The following TBC1D22B variants were observed in gnomAD, a reference collection of about 807,000 sequenced individuals.
The protein encoded by TBC1D22B is TBC1 domain family member 22B, also known as chromosome 6 open reading frame 197.
A neutral mutation model predicts 69.1 loss-of-function variants in TBC1D22B; 32 were observed. That is an observed-to-expected ratio of 0.46 (90% CI 0.35 to 0.62). The LOEUF (loss-of-function observed/expected upper bound fraction) is 0.62, where lower values mean the gene tolerates loss of function less well. Among genes scored for constraint, TBC1D22B ranks in the 20% least tolerant of loss-of-function variants. TBC1D22B has a pLI of 0.00. For synonymous variants in TBC1D22B, 206 were observed against 229.8 expected, an observed-to-expected ratio of 0.90 and a Z score of 0.94; for missense variants, 462 against 630.9, an observed-to-expected ratio of 0.73 and a Z score of 2.87.
chr6:37,280,146 G>T (rs1483326424), intron 3 of TBC1D22B, among the ~76,000 whole-genome samples: 1 of 152,188 alleles, frequency 6.6e-6, no homozygotes, highest in South Asian at 2.1e-4. Flanking sequence ...CAGGTTGGGT[G>T]GGGTAGAAGT....
chr6:37,261,822 G>T (rs1159734445), intron 1 of TBC1D22B, among the ~76,000 whole-genome samples: 1 of 151,728 alleles, frequency 6.6e-6, no homozygotes, highest in Non-Finnish European at 1.5e-5. Context: ...ATCATTTGAG[G>T]TCAGGAGTTC....
chr6:37,267,831 T>C (rs1487589130), intron 1 of TBC1D22B, among the ~76,000 whole-genome samples: 1 of 152,198 alleles, frequency 6.6e-6, no homozygotes, highest in Non-Finnish European at 1.5e-5. Context: ...TAGGATTTAA[T>C]GTTAAACAGG....
intron 3 of TBC1D22B, among the ~76,000 whole-genome samples, chr6:37,279,940 A>T (rs1008478537): frequency 2.0e-5 from 3 of 152,236 alleles, no homozygotes; most frequent in African/African-American, 4.8e-5. Context: ...AGGCCTGGTC[A>T]GGTTTAGAAA....
chr6:37,322,734 C>A (rs1343167904), intron 12 of TBC1D22B, among the ~76,000 whole-genome samples: 7 of 152,170 alleles, frequency 4.6e-5, no homozygotes. Context: ...GACCTCGGGA[C>A]AGGAACTGGT....
At chr6:37,318,571 A>C (rs367847555) in intron 12 of TBC1D22B, among the ~76,000 whole-genome samples, 11 of 152,292 alleles carry the variant, frequency 7.2e-5, no homozygotes, top group African/African-American at 2.6e-4. Context: ...TCCCTAAGGA[A>C]GTAAGGATGG....
rs576822236 is a variant in TBC1D22B at position 37,268,303 on chromosome 6, C to T, written c.57-1291C>T. On this transcript the variant is annotated intron_variant, in intron 1 of 12. Coordinates refer to ENST00000373491, the MANE Select transcript of TBC1D22B (RefSeq NM_017772.4). ...AGGCTGGAGTGCAGTGGTGTGCTCA[C>T]TGCAGCCTGGACCCTCCTGGGGTCA... Among the ~76,000 whole-genome samples, 19 of 152,174 alleles carry T rather than the reference C, an allele frequency of 1.2e-4. No homozygotes were observed. The East Asian group carries it at 3.5e-3, about 28-fold the overall frequency.
intron 2 of TBC1D22B, among the ~76,000 whole-genome samples, chr6:37,270,819 T>C (rs1766462819): frequency 6.6e-6 from 1 of 152,196 alleles, no homozygotes; most frequent in South Asian, 2.1e-4. Context: ...TATTAGTAGC[T>C]GCCCTTTCTT....
Position 37,292,544 on chromosome 6 carries a change from T to C in TBC1D22B, c.982+1187T>C, listed in dbSNP as rs1232161467. Among the ~76,000 whole-genome samples, 4 of 152,216 alleles carry C rather than the reference T, an allele frequency of 2.6e-5. 1 individual carries two copies. In the South Asian group the frequency reaches 6.2e-4, roughly 24 times the overall value. On this transcript the variant is annotated intron_variant, in intron 8 of 12. Transcript: ENST00000373491. ...AATTCTGCTGTGTGTTGTATAATTT[T>C]ATCAAGAGAGCATTTCAGCTGATCT... is the stretch of plus-strand genomic sequence containing the variant.
chr6:37,277,133 C>T (rs1267271361), intron 2 of TBC1D22B, among the ~76,000 whole-genome samples: 1 of 152,090 alleles, frequency 6.6e-6, no homozygotes, highest in East Asian at 1.9e-4. Flanking sequence ...AGCTTCAAGT[C>T]AGCTCTTTGA....
chr6:37,284,864 T>C (rs1310436499), intron 6 of TBC1D22B, among the ~76,000 whole-genome samples: 1 of 152,126 alleles, frequency 6.6e-6, no homozygotes, highest in Non-Finnish European at 1.5e-5. Flanking sequence ...GTAAGCGTTA[T>C]CGAGCATGGA....
chr6:37,293,850 GC>G (rs1767270152), intron 8 of TBC1D22B, among the ~76,000 whole-genome samples: 1 of 152,190 alleles, frequency 6.6e-6, no homozygotes, highest in Admixed American at 6.5e-5. Context: ...TAGCCTTATT[GC>G]TGATATGGAT....
chr6:37,288,131 T>C (rs1488573685), intron 7 of TBC1D22B, among the ~76,000 whole-genome samples: 2 of 152,222 alleles, frequency 1.3e-5, no homozygotes, highest in African/African-American at 2.4e-5. Flanking sequence ...CTATTTGACT[T>C]TGGGTTATAT....
At chr6:37,327,269 G>C (rs1768440127) in intron 12 of TBC1D22B, among the ~76,000 whole-genome samples, 1 of 98,016 alleles carries the variant, frequency 1.0e-5, no homozygotes, top group African/African-American at 5.4e-5. Flanking sequence ...ACGAGGTCAG[G>C]AGATCGAGAC....
rs772443806 is a variant in TBC1D22B, at chr6:37,279,491, C to T, written c.301C>T (p.Leu101=). The T allele has an allele frequency of 6.2e-7, 1 of 1,614,178 alleles. No individual in the cohort carries two copies. The highest frequency in any genetic ancestry group is 8.5e-7 in the Non-Finnish European group (1 of 1,180,038). Residue 101 remains leucine, a synonymous_variant, in exon 3 of 13, where the codon CTA becomes TTA. Coordinates refer to ENST00000373491, the MANE Select transcript of TBC1D22B (RefSeq NM_017772.4). ...TGCTTTGGCAACTGCAGCCCAAGTT[C>T]TAGAAAACCACAGCAAGCTGAGAGT... ...KVALATAAQV[L]ENHSKLRVKP...
intron 1 of TBC1D22B, among the ~76,000 whole-genome samples, chr6:37,258,994 A>G (rs1765962702): frequency 6.8e-6 from 1 of 147,898 alleles, no homozygotes; most frequent in Admixed American, 6.8e-5. Context: ...GAGGGTCAGT[A>G]GTGGCTAGGT....
intron 7 of TBC1D22B, among the ~76,000 whole-genome samples, chr6:37,290,875 A>C (rs1767157379): frequency 6.6e-6 from 1 of 152,144 alleles, no homozygotes; most frequent in African/African-American, 2.4e-5. Flanking sequence ...GGATGTCCTG[A>C]TATCTTGCTC....
chr6:37,329,943 CTTCTAGTACTAA>C (rs528127261), intron 12 of TBC1D22B, among the ~76,000 whole-genome samples: 212 of 152,326 alleles, frequency 1.4e-3, no homozygotes, highest in African/African-American at 4.8e-3. Context: ...CCCAGCTACA[CTTCTAGTACTAA>C]AGGAAGAAAT....
Position 37,260,411 on chromosome 6 carries a change from G to T in TBC1D22B, c.56+2438G>T, listed in dbSNP as rs374341169. ...CCAACAATCTTAGTGACAACAAATA[G>T]AAATTTTATTAAATAAAAGAAGTTG... On this transcript the variant is annotated intron_variant, in intron 1 of 12. Transcript: ENST00000373491. Among the ~76,000 whole-genome samples the T allele has an allele frequency of 5.1e-4, 77 of 152,256 alleles. 2 individuals are homozygous for T. The South Asian group carries it at 0.016, about 32-fold the overall frequency.
At chr6:37,326,146 C>G (rs964218611) in intron 12 of TBC1D22B, among the ~76,000 whole-genome samples, 5 of 151,968 alleles carry the variant, frequency 3.3e-5, no homozygotes, top group African/African-American at 4.8e-5. Flanking sequence ...CTTTGGGAGG[C>G]TGAGGCGGGC....
Sources: gnomAD v4.1 joint callset for allele counts (sites outside exome capture counted in the v4.1 genomes callset) on GRCh38, gnomAD v4.1.1 for gene constraint, MANE v1.5 for transcripts, NCBI Gene and HGNC (gene_info 2026-07-23, HGNC 2026-07-21) for gene names.